The following IFNLR1 variants were observed in gnomAD, a reference collection of about 807,000 sequenced individuals.
IFNLR1 encodes CRF2-12.
IFNLR1 carries 28 observed loss-of-function variants against 52.5 expected under a neutral mutation model. The ratio of observed to expected loss-of-function variants is 0.53; its 90% CI spans 0.40 to 0.73. The LOEUF is 0.73. IFNLR1 is among the 30% of genes least tolerant of loss of function. IFNLR1 has a pLI of 0.00. For missense variants in IFNLR1, 623 were observed against 659.1 expected (o/e 0.95, Z 0.60); for synonymous variants, 276 against 274.9 (o/e 1.00, Z -0.04).
rs1241465300 is a variant in IFNLR1 at position 24,156,882 on chromosome 1, A to G, written c.*248T>C. ...CAATGGGGGTGATGACACCCCACCA[A>G]CCTCTGACCTCAGCCCACCCTGTGT... On this transcript the variant is annotated 3_prime_UTR_variant, in exon 7 of 7. Coordinates refer to ENST00000327535, the MANE Select transcript of IFNLR1 (RefSeq NM_170743.4). 2 of 533,362 alleles carry G rather than the reference A, an allele frequency of 3.7e-6. No individual in the cohort carries two copies. Among genetic ancestry groups the G allele is most frequent in the Admixed American group, 3.5e-5 (1 of 28,350 alleles). The allele number at this position is 533,362 out of a possible 1,614,324, so 33.0% of individuals were successfully genotyped here. A position where few individuals can be genotyped will look rare whatever the true frequency, so the allele number is the denominator to read the frequency against.
chr1:24,169,947 T>C (rs1035319945), intron 2 of IFNLR1, among the ~76,000 whole-genome samples: 1 of 152,220 alleles, frequency 6.6e-6, no homozygotes, highest in Non-Finnish European at 1.5e-5. Context: ...ACTATATGTT[T>C]GTTCATTCAG....
rs770282933 is a variant in IFNLR1, at chr1:24,176,584, C to T, written c.182+4147G>A. Among the ~76,000 whole-genome samples, 18 of 152,154 alleles carry T rather than the reference C, an allele frequency of 1.2e-4. 1 individual carries two copies. The highest frequency in any genetic ancestry group is 2.1e-4 in the Non-Finnish European group (14 of 68,036). ...GCGCTCTTAGCTACAAACATGTCAG[C>T]TAAAAGCAGACTAGAGTTTCAGGAA... On this transcript the variant is annotated intron_variant, in intron 2 of 6. Transcript: ENST00000327535.
At chr1:24,164,668 G>T (rs1231772971) in intron 3 of IFNLR1, among the ~76,000 whole-genome samples, 1 of 152,146 alleles carries the variant, frequency 6.6e-6, no homozygotes, top group Non-Finnish European at 1.5e-5. Flanking sequence ...AGCCTTTTGA[G>T]CGACTGAGTA....
At chr1:24,163,141 T>C (rs1644482051) in intron 3 of IFNLR1, among the ~76,000 whole-genome samples, 1 of 151,676 alleles carries the variant, frequency 6.6e-6, no homozygotes, top group Admixed American at 6.6e-5. Flanking sequence ...TTGTATTTTT[T>C]AGTAGAGACA....
chr1:24,172,908 C>T (rs571992954), intron 2 of IFNLR1, among the ~76,000 whole-genome samples: 21 of 152,234 alleles, frequency 1.4e-4, no homozygotes, highest in African/African-American at 3.4e-4. Context: ...TGTGTGCATG[C>T]GCTCTTGGTG....
intron 1 of IFNLR1, among the ~76,000 whole-genome samples, chr1:24,183,066 T>C (rs1245713183): frequency 2.0e-5 from 3 of 152,218 alleles, no homozygotes; most frequent in African/African-American, 7.2e-5. Flanking sequence ...AATATATTGA[T>C]GTAGAGTATG....
intron 1 of IFNLR1, among the ~76,000 whole-genome samples, chr1:24,184,415 G>A (rs72650424): frequency 0.066 from 10,079 of 152,066 alleles, 466 homozygotes; most frequent in Non-Finnish European, 0.095. Flanking sequence ...CCTTTCCTTG[G>A]CCTCAGAATA....
intron 2 of IFNLR1, 89 bp from the exon 3 acceptor site, chr1:24,169,690 T>C (rs367625405): frequency 1.4e-6 from 2 of 1,384,068 alleles, no homozygotes; most frequent in Non-Finnish European, 2.0e-6. Context: ...CTTCCCTCTG[T>C]TTGGCTGGAC....
chr1:24,167,981 G>A (rs1179870262), intron 3 of IFNLR1, among the ~76,000 whole-genome samples: 2 of 152,142 alleles, frequency 1.3e-5, no homozygotes, highest in East Asian at 3.9e-4. Context: ...ACAAGCTTGA[G>A]CCACCGCGCC....
At chr1:24,172,359 T>C (rs1644590289) in intron 2 of IFNLR1, among the ~76,000 whole-genome samples, 1 of 151,938 alleles carries the variant, frequency 6.6e-6, no homozygotes, top group African/African-American at 2.4e-5. Context: ...AGATCAAAAC[T>C]GGAACCTGAT....
intron 1 of IFNLR1, among the ~76,000 whole-genome samples, chr1:24,186,160 A>C (rs746767698): frequency 2.6e-5 from 4 of 152,092 alleles, no homozygotes; most frequent in Non-Finnish European, 5.9e-5. Context: ...TCAGCCACAG[A>C]GAACGCTGCT....
At chr1:24,171,608 C>T (rs1020884437) in intron 2 of IFNLR1, among the ~76,000 whole-genome samples, 4 of 151,952 alleles carry the variant, frequency 2.6e-5, no homozygotes, top group African/African-American at 9.7e-5. Context: ...CTGCCTCAGT[C>T]TCTGAGTCAC....
chr1:24,163,597 T>C (rs1324721479), intron 3 of IFNLR1, among the ~76,000 whole-genome samples: 1 of 151,380 alleles, frequency 6.6e-6, no homozygotes, highest in East Asian at 1.9e-4. Context: ...TTTTTTTTTT[T>C]AGATGGAGTT....
Position 24,161,534 on chromosome 1 carries a change from C to G in IFNLR1, c.510+8G>C, listed in dbSNP as rs1226769282. Reference sequence around the variant, plus strand: ...GCCTAGCCTGGGGGCAGGAAAGGAGCTTCCCACCTTGTTTCCGGCCCCCTC... The same window carrying G: ...GCCTAGCCTGGGGGCAGGAAAGGAGGTTCCCACCTTGTTTCCGGCCCCCTC... On this transcript the variant is annotated splice_region_variant and intron_variant, in intron 4 of 6. Transcript: ENST00000327535. 2 of 1,554,444 alleles carry G rather than the reference C, an allele frequency of 1.3e-6. No individual in the cohort carries two copies. The highest frequency in any genetic ancestry group is 2.7e-5 in the African/African-American group (2 of 73,578).
At chr1:24,187,155 C>T in intron 1 of IFNLR1, 36 bp downstream of exon 1, 1 of 1,331,194 alleles carries the variant, frequency 7.5e-7, no homozygotes, top group Non-Finnish European at 9.8e-7. Context: ...CCGGGGAGCC[C>T]TCTTCCCCCT....
intron 3 of IFNLR1, among the ~76,000 whole-genome samples, chr1:24,162,815 T>C (rs1441982729): frequency 0.013 from 747 of 59,030 alleles, 38 homozygotes; most frequent in Middle Eastern, 0.035. Context: ...TTCTTTCTTT[T>C]TTTCTTCTTT....
chr1:24,169,104 G>A (rs1052842605), intron 3 of IFNLR1, among the ~76,000 whole-genome samples: 1 of 152,178 alleles, frequency 6.6e-6, no homozygotes, highest in Non-Finnish European at 1.5e-5. Flanking sequence ...ATAGGAATAA[G>A]CATATAAAGT....
chr1:24,167,737 C>G (rs906374196), intron 3 of IFNLR1, among the ~76,000 whole-genome samples: 3 of 151,880 alleles, frequency 2.0e-5, no homozygotes, highest in African/African-American at 7.3e-5. Context: ...CTCTGTCACC[C>G]AGGCTGAAGT....
chr1:24,163,470 A>G (rs914424422), intron 3 of IFNLR1, among the ~76,000 whole-genome samples: 1 of 152,156 alleles, frequency 6.6e-6, no homozygotes, highest in Admixed American at 6.5e-5. Flanking sequence ...CGCAATACTG[A>G]CATCTAACAT....
Sources: allele counts gnomAD v4.1 joint callset (sites outside exome capture counted in the v4.1 genomes callset), GRCh38; gene constraint gnomAD v4.1.1; transcripts MANE v1.5; gene names NCBI Gene and HGNC (gene_info 2026-07-23, HGNC 2026-07-21).